The following ANK2 variants were observed in gnomAD, a reference collection of about 807,000 sequenced individuals.
ANK2 encodes the protein ankyrin 2, also known as ankyrin-2.
ANK2 carries 83 observed loss-of-function variants against 360.5 expected under a neutral mutation model. The ratio of observed to expected loss-of-function variants is 0.23; its 90% CI spans 0.19 to 0.28. The LOEUF is 0.28. ANK2 is among the 10% of genes least tolerant of loss of function. The pLI is 1.00. For missense variants in ANK2, 4,201 were observed against 4,795.7 expected (o/e 0.88, Z 3.66); for synonymous variants, 1,740 against 1,759.5 (o/e 0.99, Z 0.28).
intron 1 of ANK2, among the ~76,000 whole-genome samples, chr4:113,067,659 G>A (rs1210196630): frequency 6.6e-6 from 1 of 152,190 alleles, no homozygotes; most frequent in Non-Finnish European, 1.5e-5. Context: ...CTAAGAAGAG[G>A]TCTTCAGGTT....
At chr4:112,735,947 A>T in the ANK2 span, among the ~76,000 whole-genome samples, 1 of 152,022 alleles carries the variant, frequency 6.6e-6, no homozygotes, top group African/African-American at 2.4e-5. Context: ...TCTTTTTGTG[A>T]TTGGTTTATT....
chr4:113,294,278 G>A (rs994406443), intron 22 of ANK2, among the ~76,000 whole-genome samples: 4 of 152,010 alleles, frequency 2.6e-5, no homozygotes, highest in African/African-American at 9.7e-5. Flanking sequence ...CCTGAGAGGG[G>A]GCTCCTACCT....
At chr4:113,347,854 G>T (rs958489926) in intron 35 of ANK2, 1 of 176,940 alleles carries the variant, frequency 5.7e-6, no homozygotes, top group Non-Finnish European at 1.2e-5. Flanking sequence ...TTAGAATAAT[G>T]CTTCTAAATA....
intron 42 of ANK2, 125 bp downstream of exon 42, chr4:113,367,976 C>A: frequency 8.5e-7 from 1 of 1,183,258 alleles, no homozygotes; most frequent in Non-Finnish European, 1.2e-6. Flanking sequence ...AACACAAGTG[C>A]CAGAGCTAAA....
the ANK2 span, among the ~76,000 whole-genome samples, chr4:112,784,643 C>T: frequency 2.6e-5 from 4 of 152,020 alleles, no homozygotes; most frequent in Non-Finnish European, 5.9e-5. Context: ...CCGTCCGGCC[C>T]GGGCTGGTCT....
upstream of ANK2, among the ~76,000 whole-genome samples, chr4:113,047,182 C>T (rs1428437785): frequency 6.6e-6 from 1 of 152,186 alleles, no homozygotes; most frequent in African/African-American, 2.4e-5. Flanking sequence ...CTAGAATATT[C>T]TTCCTTCAGG....
At chr4:113,220,668 A>G (rs974353613) in intron 4 of ANK2, among the ~76,000 whole-genome samples, 2 of 152,200 alleles carry the variant, frequency 1.3e-5, no homozygotes, top group Non-Finnish European at 2.9e-5. Flanking sequence ...TGAAACAGAG[A>G]GAGAAAAATG....
intron 1 of ANK2, among the ~76,000 whole-genome samples, chr4:112,840,892 A>C (rs2061948593): frequency 6.6e-6 from 1 of 152,224 alleles, no homozygotes; most frequent in African/African-American, 2.4e-5. Context: ...TCTTAGAAGC[A>C]TCATCATTTA....
intron 1 of ANK2, among the ~76,000 whole-genome samples, chr4:112,830,931 G>A (rs1020154150): frequency 1.3e-5 from 2 of 152,220 alleles, no homozygotes; most frequent in Non-Finnish European, 2.9e-5. Flanking sequence ...GCCCCAGGCA[G>A]TGAGGGGCTT....
intron 1 of ANK2, among the ~76,000 whole-genome samples, chr4:112,901,302 G>A (rs371675344): frequency 4.6e-5 from 7 of 152,146 alleles, no homozygotes; most frequent in African/African-American, 1.7e-4. Context: ...AGGTATAAAT[G>A]CAAGCATACG....
At chr4:112,724,940 G>A in the ANK2 span, among the ~76,000 whole-genome samples, 4 of 152,094 alleles carry the variant, frequency 2.6e-5, no homozygotes, top group African/African-American at 4.8e-5. Context: ...ATGGATACAC[G>A]AAATGTGGCA....
At chr4:112,750,490 A>C in the ANK2 span, among the ~76,000 whole-genome samples, 1 of 152,154 alleles carries the variant, frequency 6.6e-6, no homozygotes, top group Non-Finnish European at 1.5e-5. Flanking sequence ...ATATATAGTA[A>C]CATGCTGTAC....
intron 4 of ANK2, among the ~76,000 whole-genome samples, chr4:113,228,744 C>T (rs965953933): frequency 6.6e-6 from 1 of 152,180 alleles, no homozygotes; most frequent in African/African-American, 2.4e-5. Flanking sequence ...TGATATTCCC[C>T]TCTTTTCTCC....
intron 1 of ANK2, among the ~76,000 whole-genome samples, chr4:113,161,326 T>C (rs1357994153): frequency 4.7e-5 from 7 of 149,508 alleles, no homozygotes; most frequent in Non-Finnish European, 1.0e-4. Flanking sequence ...TAAGCTAAGT[T>C]TTTTTTAAAA....
chr4:113,156,457 G>A (rs1330341940), intron 1 of ANK2, among the ~76,000 whole-genome samples: 7 of 144,294 alleles, frequency 4.9e-5, no homozygotes, highest in African/African-American at 1.6e-4. Context: ...TGCAACCTCC[G>A]CCTCCCGGGC....
chr4:113,241,988 AG>A lies in ANK2; in HGVS notation c.793-122del, dbSNP rs1332155823. On this transcript the variant is annotated intron_variant, in intron 8 of 45. Transcript: ENST00000357077. ...CCTTAAAAATCAAAGACATAGAAAG[AG>A]TAGAAACTGTGGATCAAATTACCAC... The A allele has an allele frequency of 1.4e-5, 11 of 759,282 alleles. No homozygotes were observed. In the East Asian group the frequency reaches 2.6e-4, roughly 18 times the overall value. The allele number at this position is 759,282 out of a possible 1,614,324, so 47.0% of individuals were successfully genotyped here.
the ANK2 span, among the ~76,000 whole-genome samples, chr4:112,760,048 A>T: frequency 6.6e-6 from 1 of 151,928 alleles, no homozygotes; most frequent in Non-Finnish European, 1.5e-5. Flanking sequence ...GTTACCCCCT[A>T]CCCCAGGCTC....
At chr4:112,827,701 A>G (rs749578113) in intron 1 of ANK2, 1 of 572,716 alleles carries the variant, frequency 1.7e-6, no homozygotes. Context: ...TTCCTGGAAC[A>G]TAATCACCAA....
At chr4:113,020,923 A>G (rs1024150005) in intron 2 of ANK2, among the ~76,000 whole-genome samples, 2 of 152,110 alleles carry the variant, frequency 1.3e-5, no homozygotes, top group African/African-American at 2.4e-5. Context: ...TAAGGATATA[A>G]AATCAGGGTA....
Sources: gnomAD v4.1 joint callset for allele counts (sites outside exome capture counted in the v4.1 genomes callset) on GRCh38, gnomAD v4.1.1 for gene constraint, MANE v1.5 for transcripts, NCBI Gene and HGNC (gene_info 2026-07-23, HGNC 2026-07-21) for gene names.